The following KCTD21 variants were observed in gnomAD, a reference collection of about 807,000 sequenced individuals.
KCTD21 encodes BTB/POZ domain-containing protein KCTD21.
Under a neutral mutation model 13.2 loss-of-function variants are expected in KCTD21, and 9 were observed. The observed-to-expected ratio is 0.68, with a 90% CI of 0.41 to 1.19. The LOEUF (loss-of-function observed/expected upper bound fraction) is 1.19. KCTD21 is among the 50% of genes most tolerant of loss of function. KCTD21 has a pLI of 0.01. For synonymous variants in KCTD21, 142 were observed against 137.4 expected, an observed-to-expected ratio of 1.03 and a Z score of -0.23; for missense variants, 303 against 336.5, an observed-to-expected ratio of 0.90 and a Z score of 0.78.
chr11:78,176,653 A>C (rs1286565822), intron 1 of KCTD21, among the ~76,000 whole-genome samples: 1 of 152,176 alleles, frequency 6.6e-6, no homozygotes, highest in Non-Finnish European at 1.5e-5. Flanking sequence ...GTGACAAGAC[A>C]GGTAGAAGAT....
chr11:78,185,562 G>C (rs374651656), intron 1 of KCTD21, among the ~76,000 whole-genome samples: 185 of 152,052 alleles, frequency 1.2e-3, no homozygotes, highest in Middle Eastern at 3.4e-3. Context: ...AGTCTGGATA[G>C]AGCCACCACC....
At chr11:78,181,164 T>C (rs1481849756) in intron 1 of KCTD21, among the ~76,000 whole-genome samples, 1 of 152,198 alleles carries the variant, frequency 6.6e-6, no homozygotes, top group Non-Finnish European at 1.5e-5. Context: ...CCAATGACCC[T>C]ACTCCTAGGT....
At chr11:78,179,566 C>T (rs927258110) in intron 1 of KCTD21, among the ~76,000 whole-genome samples, 3 of 152,122 alleles carry the variant, frequency 2.0e-5, no homozygotes, top group Non-Finnish European at 4.4e-5. Flanking sequence ...CATCCCTGCC[C>T]CCTGCACCCC....
In KCTD21 at chr11:78,172,620, ATGTC is replaced by A. The variant is rs1862309219; in HGVS notation, c.*1148_*1151del. 1 of 152,180 alleles carries A rather than the reference ATGTC, an allele frequency of 6.6e-6. No individual in the cohort carries two copies. The highest frequency in any genetic ancestry group is 2.4e-5 in the African/African-American group (1 of 41,444). The allele number at this position is 152,180 out of a possible 1,614,324, so 9.4% of individuals were successfully genotyped here. ...TCTGAGTAATGATGTTTTCAGAAAA[ATGTC>A]TGGTCTCTCAAGGTGACTATTTTGA... On this transcript the variant is annotated 3_prime_UTR_variant, in exon 2 of 2. Transcript: ENST00000340067.
At chr11:78,179,869 G>A (rs1862563965) in intron 1 of KCTD21, among the ~76,000 whole-genome samples, 1 of 152,104 alleles carries the variant, frequency 6.6e-6, no homozygotes, top group Admixed American at 6.6e-5. Flanking sequence ...TCTCCACTAG[G>A]TTAACAGCTC....
chr11:78,187,688 C>T (rs1461249209), intron 1 of KCTD21: 3 of 985,440 alleles, frequency 3.0e-6, no homozygotes, highest in Non-Finnish European at 3.6e-6. Context: ...TCAAATCCAT[C>T]TCATTTCATC....
At chr11:78,186,155 C>T (rs1862756315) in intron 1 of KCTD21, among the ~76,000 whole-genome samples, 2 of 150,776 alleles carry the variant, frequency 1.3e-5, no homozygotes, top group African/African-American at 2.4e-5. Context: ...GTGGGAGGAT[C>T]GCTTGAGTTC....
At chr11:78,186,371 C>CAAAAAAAAAAAAAAAAAAAAA (rs57748403) in intron 1 of KCTD21, among the ~76,000 whole-genome samples, 2 of 45,808 alleles carry the variant, frequency 4.4e-5, no homozygotes, top group African/African-American at 1.7e-4. Context: ...GACCCTGTCT[C>CAAAAAAAAAAAAAAAAAAAAA]AAAAAAAAAA....
intron 1 of KCTD21, 172 bp downstream of exon 1, chr11:78,188,401 C>T (rs1198618497): frequency 2.0e-6 from 2 of 985,544 alleles, no homozygotes; most frequent in African/African-American, 1.7e-5. Context: ...CGGCTCACCT[C>T]GCTCCGAAAC....
rs1387420904 is a variant in KCTD21 at position 78,173,762 on chromosome 11, T to C, written c.*10A>G. 1 of 1,597,400 alleles carries C rather than the reference T, an allele frequency of 6.3e-7. No homozygotes were observed. The highest frequency in any genetic ancestry group is 2.2e-5 in the East Asian group (1 of 44,628). The stretch of plus-strand genomic sequence containing the variant: ...TGGGACTCCCCATCTCCAGTGTTGT[T>C]GGGGTCCTTTTACCTGTACCGTATT... On this transcript the variant is annotated 3_prime_UTR_variant, in exon 2 of 2. Coordinates refer to ENST00000340067, the MANE Select transcript of KCTD21 (RefSeq NM_001029859.3).
At chr11:78,184,527 G>T (rs927784790) in intron 1 of KCTD21, among the ~76,000 whole-genome samples, 10 of 152,038 alleles carry the variant, frequency 6.6e-5, no homozygotes, top group African/African-American at 2.2e-4. Context: ...ACTTGAGATG[G>T]GGTATCACCA....
intron 1 of KCTD21, among the ~76,000 whole-genome samples, chr11:78,181,249 A>G (rs1405905789): frequency 1.3e-5 from 2 of 152,232 alleles, no homozygotes; most frequent in African/African-American, 4.8e-5. Context: ...CTTATTCATA[A>G]TTGCCCAAAC....
At chr11:78,183,906 A>G (rs1041539188) in intron 1 of KCTD21, among the ~76,000 whole-genome samples, 1 of 152,168 alleles carries the variant, frequency 6.6e-6, no homozygotes, top group Non-Finnish European at 1.5e-5. Context: ...AAGTGCTGGG[A>G]TTACAGGCGT....
Position 78,171,940 on chromosome 11 carries a change from T to C in KCTD21, c.*1832A>G, listed in dbSNP as rs772702967. 6.6e-6 allele frequency: 1 copy of C among 152,368 alleles called. No individual in the cohort carries two copies. The highest frequency in any genetic ancestry group is 1.9e-4 in the East Asian group (1 of 5,180). 9.4% of individuals were successfully genotyped at this position (152,368 alleles called of 1,614,324 possible). ...TCAGAGAGACTCCTGGGTCCCACCG[T>C]AGGGGGAAAAGGGCCTTTACTGCTC... On this transcript the variant is annotated 3_prime_UTR_variant, in exon 2 of 2. Coordinates refer to ENST00000340067, the MANE Select transcript of KCTD21 (RefSeq NM_001029859.3).
At chr11:78,187,833 T>C (rs1276703676) in intron 1 of KCTD21, 3 of 985,300 alleles carry the variant, frequency 3.0e-6, no homozygotes, top group Non-Finnish European at 3.6e-6. Context: ...GCTAAACCTC[T>C]GCCTCCCCGA....
chr11:78,182,458 TTAAAC>T (rs1862656984), intron 1 of KCTD21, among the ~76,000 whole-genome samples: 1 of 152,200 alleles, frequency 6.6e-6, no homozygotes, highest in African/African-American at 2.4e-5. Context: ...GCGCAATGTA[TTAAAC>T]TAGATTATAA....
At position 78,172,522 on chromosome 11, in the gene KCTD21, G is replaced by A. The variant is rs917772539; in HGVS notation, c.*1250C>T. 1 of 152,200 alleles carries A rather than the reference G, an allele frequency of 6.6e-6. No individual in the cohort carries two copies. The highest frequency in any genetic ancestry group is 1.5e-5 in the Non-Finnish European group (1 of 68,054). The allele number at this position is 152,200 out of a possible 1,614,324, so 9.4% of individuals were successfully genotyped here. On this transcript the variant is annotated 3_prime_UTR_variant, in exon 2 of 2. Coordinates refer to ENST00000340067, the MANE Select transcript of KCTD21 (RefSeq NM_001029859.3). ...CAAACGAGGTGAAGCTACAACAAAA[G>A]GGGACTGACTTACAGGGGATAGAAA... is the stretch of plus-strand genomic sequence containing the variant.
At position 78,173,919 on chromosome 11, in the gene KCTD21, G is replaced by A. The variant is rs201151831; in HGVS notation, c.636C>T (p.Pro212=). ...KQNLKRLWVV[P]ANKQINSFQV... ...GGAAGCTGTTGATCTGCTTGTTGGC[G>A]GGCACCACCCAGAGCCTCTTGAGGT... Residue 212 remains proline (P), a synonymous_variant, in exon 2 of 2, where the codon CCC becomes CCT. Coordinates refer to ENST00000340067, the MANE Select transcript of KCTD21 (RefSeq NM_001029859.3). 108 of 1,614,142 alleles carry A rather than the reference G, an allele frequency of 6.7e-5. No homozygotes were observed. Among genetic ancestry groups the A allele is most frequent in the Admixed American group, 2.5e-4 (15 of 60,018 alleles).
At chr11:78,176,448 C>G (rs1017738561) in intron 1 of KCTD21, 1 of 152,306 alleles carries the variant, frequency 6.6e-6, no homozygotes, top group African/African-American at 2.4e-5. Flanking sequence ...TGGCAAGTCT[C>G]CTTCACCACA....
Sources: allele counts gnomAD v4.1 joint callset (sites outside exome capture counted in the v4.1 genomes callset), GRCh38; gene constraint gnomAD v4.1.1; transcripts MANE v1.5; gene names NCBI Gene and HGNC (gene_info 2026-07-23, HGNC 2026-07-21).